The following NEK10 variants were observed in gnomAD, a reference collection of about 807,000 sequenced individuals.
NEK10 encodes the protein NIMA related kinase 10.
NEK10 carries 122 observed loss-of-function variants against 159.8 expected under a neutral mutation model. The ratio of observed to expected loss-of-function variants is 0.76; its 90% CI spans 0.66 to 0.89. The LOEUF (loss-of-function observed/expected upper bound fraction) is 0.89. NEK10 is among the 40% of genes least tolerant of loss of function. The pLI is 0.00. For missense variants in NEK10, 1,342 were observed against 1,323.1 expected, an observed-to-expected ratio of 1.01 and a Z score of -0.22; for synonymous variants, 466 against 457.1, an observed-to-expected ratio of 1.02 and a Z score of -0.25.
chr3:27,140,769 A>G, intron 31 of NEK10, among the ~76,000 whole-genome samples: 1 of 152,206 alleles, frequency 6.6e-6, no homozygotes, highest in Non-Finnish European at 1.5e-5. Flanking sequence ...CTAGAATAGC[A>G]TCTGGCACAT....
At chr3:27,290,557 A>G in intron 19 of NEK10, 60 bp downstream of exon 19, 1 of 1,255,564 alleles carries the variant, frequency 8.0e-7, no homozygotes, top group South Asian at 1.5e-5. Context: ...CCACAACTCT[A>G]CTTTCTTGCA....
chr3:27,164,821 C>T (rs1946337565), intron 29 of NEK10, among the ~76,000 whole-genome samples: 1 of 152,216 alleles, frequency 6.6e-6, no homozygotes, highest in African/African-American at 2.4e-5. Context: ...TCAGGTTATA[C>T]ATGTTCTTGA....
chr3:27,216,277 A>G (rs746220654), intron 23 of NEK10: 1 of 175,610 alleles, frequency 5.7e-6, no homozygotes, highest in Non-Finnish European at 1.2e-5. Context: ...ATCATTACAA[A>G]TTCAATACAG....
At position 27,222,099 on chromosome 3, in the gene NEK10, G is replaced by A. The variant is rs930269151; in HGVS notation, c.2091-19542C>T. Among the ~76,000 whole-genome samples the A allele has an allele frequency of 5.2e-4, 79 of 152,266 alleles. 1 individual carries two copies. Among genetic ancestry groups the A allele is most frequent in the African/African-American group, 1.2e-3 (48 of 41,552 alleles). On this transcript the variant is annotated intron_variant, in intron 23 of 35. Transcript: ENST00000691995. ...TTCAAAAAACTTTTCCTGGCCAGGCGCAGCGGCAAATGCCTGTAATCCCAG... is the reference window on the plus strand; with the variant it reads ...TTCAAAAAACTTTTCCTGGCCAGGCACAGCGGCAAATGCCTGTAATCCCAG...
At chr3:27,151,310 T>C (rs1241404754) in intron 30 of NEK10, among the ~76,000 whole-genome samples, 2 of 152,088 alleles carry the variant, frequency 1.3e-5, no homozygotes, top group African/African-American at 4.8e-5. Context: ...GAGAGACCCA[T>C]AGATGGTTCA....
In NEK10 at chr3:27,226,038, A is replaced by AT. The variant is rs532585755; in HGVS notation, c.2091-23482dup. Among the ~76,000 whole-genome samples, 375 of 148,210 alleles carry AT rather than the reference A, an allele frequency of 2.5e-3. 1 individual carries two copies. The highest frequency in any genetic ancestry group is 6.3e-3 in the African/African-American group (257 of 40,646). On this transcript the variant is annotated intron_variant, in intron 23 of 35. Coordinates refer to ENST00000691995, the MANE Select transcript of NEK10 (RefSeq NM_001394966.1). ...AAACCAAATAAAATACGGTTACAAT[A>AT]TTTTTTTTTTTGAGACGGAGTCTCG...
At chr3:27,220,517 A>G (rs993341672) in intron 23 of NEK10, among the ~76,000 whole-genome samples, 1 of 152,028 alleles carries the variant, frequency 6.6e-6, no homozygotes, top group Non-Finnish European at 1.5e-5. Context: ...CCCCTTCACC[A>G]TGTAACATAA....
chr3:27,273,877 G>C (rs2041565953), intron 22 of NEK10, among the ~76,000 whole-genome samples: 1 of 152,052 alleles, frequency 6.6e-6, no homozygotes, highest in African/African-American at 2.4e-5. Flanking sequence ...TGAGGGACGG[G>C]AAGGAGTTTC....
chr3:27,297,694 G>A (rs144606081), intron 13 of NEK10, among the ~76,000 whole-genome samples: 1 of 152,330 alleles, frequency 6.6e-6, no homozygotes, highest in Non-Finnish European at 1.5e-5. Flanking sequence ...TGAGAAAACA[G>A]TTTCAAAGAG....
intron 23 of NEK10, among the ~76,000 whole-genome samples, chr3:27,222,743 C>A (rs1019400172): frequency 4.2e-5 from 6 of 143,826 alleles, no homozygotes; most frequent in African/African-American, 1.6e-4. Flanking sequence ...AAAAATTGAA[C>A]CAGTATTAAA....
At chr3:27,234,059 T>TA (rs1356618855) in intron 23 of NEK10, among the ~76,000 whole-genome samples, 1 of 151,992 alleles carries the variant, frequency 6.6e-6, no homozygotes, top group Non-Finnish European at 1.5e-5. Context: ...AGGCTTTCAA[T>TA]AAAATTCAAC....
chr3:27,283,194 C>T (rs1244223613), intron 22 of NEK10, among the ~76,000 whole-genome samples: 1 of 151,978 alleles, frequency 6.6e-6, no homozygotes, highest in Non-Finnish European at 1.5e-5. Flanking sequence ...TTCATGGGTA[C>T]TGAAATTCTA....
intron 5 of NEK10, among the ~76,000 whole-genome samples, chr3:27,330,107 C>T (rs945306597): frequency 6.6e-6 from 1 of 151,752 alleles, no homozygotes; most frequent in African/African-American, 2.4e-5. Context: ...TTGGTTGAAT[C>T]TGATGATGCA....
rs2042999474 is a variant in NEK10 at position 27,291,573 on chromosome 3, C to T, written c.1387G>A (p.Asp463Asn). Residue 463 changes from aspartate (D) to asparagine (N), a missense_variant, in exon 17 of 36, where the codon GAC becomes AAC. Physicochemically the swap from Asp to Asn is conservative, Grantham distance 23. Transcript: ENST00000691995. ...ATGTCAATGAAGATCTCAAACAAGT[C>T]TGTGGGGAAAAGTCTACAGAGAATA... ...RPLFKRLFPT[D>N]LFEIFIDIGH... 1 of 1,594,632 alleles carries T rather than the reference C, an allele frequency of 6.3e-7. No individual in the cohort carries two copies. Among genetic ancestry groups the T allele is most frequent in the African/African-American group, 1.3e-5 (1 of 74,590 alleles).
At chr3:27,117,627 A>G in intron 33 of NEK10, among the ~76,000 whole-genome samples, 1 of 152,230 alleles carries the variant, frequency 6.6e-6, no homozygotes, top group Non-Finnish European at 1.5e-5. Context: ...AAATGTCTTC[A>G]TTTGAGTAGC....
chr3:27,147,942 A>G (rs1242466978), intron 30 of NEK10, among the ~76,000 whole-genome samples: 1 of 152,228 alleles, frequency 6.6e-6, no homozygotes, highest in Non-Finnish European at 1.5e-5. Context: ...TCTATCATCA[A>G]TGCATTGAAT....
chr3:27,323,200 C>T (rs2045770684), intron 5 of NEK10, among the ~76,000 whole-genome samples: 1 of 152,170 alleles, frequency 6.6e-6, no homozygotes, highest in African/African-American at 2.4e-5. Flanking sequence ...AAAATCTCCC[C>T]TCAATCCGAA....
intron 23 of NEK10, among the ~76,000 whole-genome samples, chr3:27,209,794 C>T (rs1227702226): frequency 6.6e-6 from 1 of 152,164 alleles, no homozygotes; most frequent in Non-Finnish European, 1.5e-5. Flanking sequence ...GAATATCTCA[C>T]CCCCAAAAAA....
At chr3:27,354,257 G>A (rs942842520) in intron 1 of NEK10, among the ~76,000 whole-genome samples, 2 of 152,090 alleles carry the variant, frequency 1.3e-5, no homozygotes, top group Non-Finnish European at 2.9e-5. Context: ...AGGGGATCGC[G>A]TTTACCACTA....
Sources: gnomAD v4.1 joint callset for allele counts (sites outside exome capture counted in the v4.1 genomes callset) on GRCh38, gnomAD v4.1.1 for gene constraint, MANE v1.5 for transcripts, NCBI Gene and HGNC (gene_info 2026-07-23, HGNC 2026-07-21) for gene names.